Variants in PHYHIPL observed in about 807,000 individuals in gnomAD.
PHYHIPL encodes the protein phytanoyl-CoA hydroxylase-interacting protein-like.
PHYHIPL carries 9 observed loss-of-function variants against 33.4 expected under a neutral mutation model. The observed-to-expected ratio is 0.27, with a 90% CI of 0.16 to 0.47. The LOEUF is 0.47. Among genes scored for constraint, PHYHIPL ranks in the 20% least tolerant of loss-of-function variants. The probability of loss-of-function intolerance (pLI) is 0.99; values close to 1 mark genes in which losing one functional copy is unlikely to be tolerated. For synonymous variants in PHYHIPL, 153 were observed against 154.1 expected, an observed-to-expected ratio of 0.99 and a Z score of 0.05; for missense variants, 365 against 460.7, an observed-to-expected ratio of 0.79 and a Z score of 1.90.
intron 1 of PHYHIPL, among the ~76,000 whole-genome samples, chr10:59,208,949 G>T (rs1384969128): frequency 6.6e-6 from 1 of 152,168 alleles, no homozygotes; most frequent in Non-Finnish European, 1.5e-5. Flanking sequence ...ACCTACATTT[G>T]ATTGGTGTAC....
chr10:59,175,373 C>G (rs1350376997), upstream of PHYHIPL, among the ~76,000 whole-genome samples: 1 of 152,134 alleles, frequency 6.6e-6, no homozygotes, highest in Non-Finnish European at 1.5e-5. Flanking sequence ...TTTATTGAAG[C>G]TTCAATTAAT....
chr10:59,178,877 A>C (rs1039189625), intron 1 of PHYHIPL, among the ~76,000 whole-genome samples: 2 of 152,124 alleles, frequency 1.3e-5, no homozygotes, highest in Non-Finnish European at 2.9e-5. Flanking sequence ...TGTAACATTT[A>C]ATTTTGGGGA....
At chr10:59,235,825 G>A (rs11006408) in intron 2 of PHYHIPL, among the ~76,000 whole-genome samples, 6,652 of 151,870 alleles carry the variant, frequency 0.044, 250 homozygotes, top group African/African-American at 0.099. Context: ...TTAGAAATAC[G>A]TAAACTTTTC....
At chr10:59,185,115 C>T (rs1407977916) in intron 1 of PHYHIPL, among the ~76,000 whole-genome samples, 1 of 149,990 alleles carries the variant, frequency 6.7e-6, no homozygotes, top group Non-Finnish European at 1.5e-5. Flanking sequence ...CTCAGCCTCC[C>T]AAGTAGCTGG....
At chr10:59,197,315 C>A (rs1031909000) in intron 1 of PHYHIPL, among the ~76,000 whole-genome samples, 2 of 152,196 alleles carry the variant, frequency 1.3e-5, no homozygotes, top group Admixed American at 1.3e-4. Context: ...CCATCTTATT[C>A]TTTCTCTGAA....
chr10:59,198,896 G>T (rs1428673984), intron 1 of PHYHIPL, among the ~76,000 whole-genome samples: 1 of 152,016 alleles, frequency 6.6e-6, no homozygotes, highest in Admixed American at 6.6e-5. Flanking sequence ...ACTTTTTGAT[G>T]GGTTTGTTTG....
upstream of PHYHIPL, among the ~76,000 whole-genome samples, chr10:59,175,382 A>G (rs1054864547): frequency 6.6e-6 from 1 of 152,220 alleles, no homozygotes; most frequent in Non-Finnish European, 1.5e-5. Flanking sequence ...GCTTCAATTA[A>G]TTAGACTTCA....
At chr10:59,184,682 T>C (rs1281547217) in intron 1 of PHYHIPL, among the ~76,000 whole-genome samples, 1 of 151,910 alleles carries the variant, frequency 6.6e-6, no homozygotes, top group Non-Finnish European at 1.5e-5. Context: ...AGTTTTAGGG[T>C]ACATGTGCAC....
intron 4 of PHYHIPL, among the ~76,000 whole-genome samples, chr10:59,244,293 G>A (rs1226980372): frequency 1.2e-4 from 19 of 152,118 alleles, no homozygotes; most frequent in Admixed American, 1.1e-3. Context: ...AGGGCTGAGC[G>A]TGGTGGCTCA....
At chr10:59,173,952 T>C (rs1278994662), upstream of PHYHIPL, among the ~76,000 whole-genome samples, 1 of 118,720 alleles carries the variant, frequency 8.4e-6, no homozygotes, top group Non-Finnish European at 1.7e-5. Flanking sequence ...TTTTTTTTTT[T>C]TTTTTTTTGG....
At chr10:59,189,834 A>T (rs1435964393) in intron 1 of PHYHIPL, among the ~76,000 whole-genome samples, 1 of 151,930 alleles carries the variant, frequency 6.6e-6, no homozygotes, top group Non-Finnish European at 1.5e-5. Flanking sequence ...GGAGAGGGGT[A>T]TTTCTGGCTG....
chr10:59,192,183 G>A (rs1838800765), intron 1 of PHYHIPL, among the ~76,000 whole-genome samples: 1 of 152,108 alleles, frequency 6.6e-6, no homozygotes, highest in Non-Finnish European at 1.5e-5. Flanking sequence ...CAAAATAACA[G>A]AGGACAATTT....
intron 1 of PHYHIPL, among the ~76,000 whole-genome samples, chr10:59,185,074 T>C (rs1262210564): frequency 2.2e-5 from 3 of 139,324 alleles, no homozygotes; most frequent in Non-Finnish European, 3.0e-5. Flanking sequence ...CACTGCAAGC[T>C]CCGCCTCCCA....
intron 1 of PHYHIPL, among the ~76,000 whole-genome samples, chr10:59,185,299 A>G (rs1225215393): frequency 1.3e-5 from 2 of 151,884 alleles, no homozygotes; most frequent in African/African-American, 2.4e-5. Flanking sequence ...CGAACTCATC[A>G]TTTTTTATGG....
chr10:59,235,614 A>T (rs10763599), intron 2 of PHYHIPL, among the ~76,000 whole-genome samples: 114,748 of 151,738 alleles, frequency 0.76, 45,229 homozygotes, highest in East Asian at 0.9. Context: ...TCCAGTTCTG[A>T]TTATGCTTTC....
At chr10:59,182,428 C>G (rs903092481) in intron 1 of PHYHIPL, among the ~76,000 whole-genome samples, 1 of 152,074 alleles carries the variant, frequency 6.6e-6, no homozygotes, top group Non-Finnish European at 1.5e-5. Context: ...CTGCAACCTC[C>G]GCCTTCTGGT....
chr10:59,239,725 A>G (rs941928315), intron 4 of PHYHIPL, among the ~76,000 whole-genome samples: 3 of 152,074 alleles, frequency 2.0e-5, no homozygotes, highest in Non-Finnish European at 2.9e-5. Flanking sequence ...ATTTGAAGAG[A>G]ATAAATAGCC....
Position 59,245,152 on chromosome 10 carries a change from G to C in PHYHIPL, c.692G>C (p.Ser231Thr). ...ISGKLEGIFF[S>T]CSTEFNTGKP... Reference sequence around the variant, plus strand: ...GGAAAATTAGAAGGCATCTTCTTCAGCTGCAGCACTGAATTCAATACTGGA... The same window carrying C: ...GGAAAATTAGAAGGCATCTTCTTCACCTGCAGCACTGAATTCAATACTGGA... The change falls in exon 5 of 5, where the codon AGC becomes ACC. Residue 231 changes from serine to threonine, a missense_variant. This residue lies in a region of PHYHIPL where 196 missense variants were observed against 224.9 expected (regional missense o/e 0.87). Coordinates refer to ENST00000373880, the MANE Select transcript of PHYHIPL (RefSeq NM_032439.4). 1 of 1,614,116 alleles carries C rather than the reference G, an allele frequency of 6.2e-7. No homozygotes were observed.
upstream of PHYHIPL, among the ~76,000 whole-genome samples, chr10:59,176,388 G>C (rs911578690): frequency 1.3e-4 from 20 of 152,110 alleles, no homozygotes; most frequent in Non-Finnish European, 2.4e-4. Context: ...GCGGCGTATA[G>C]CGCTCGCCCT....
Sources: allele counts gnomAD v4.1 joint callset (sites outside exome capture counted in the v4.1 genomes callset), GRCh38; gene constraint gnomAD v4.1.1; regional missense constraint gnomAD v4.1.1; transcripts MANE v1.5; gene names NCBI Gene and HGNC (gene_info 2026-07-23, HGNC 2026-07-21).